Variants in TRIM33 observed in about 807,000 individuals in gnomAD.
The protein encoded by TRIM33 is E3 ubiquitin-protein ligase TRIM33.
TRIM33 carries 20 observed loss-of-function variants against 125.4 expected under a neutral mutation model. The observed-to-expected ratio is 0.16, with a 90% CI of 0.11 to 0.23. The LOEUF (loss-of-function observed/expected upper bound fraction) is 0.23, where lower values mean the gene tolerates loss of function less well. Ranked by LOEUF, TRIM33 falls within the 10% of genes least tolerant of loss-of-function variation. The pLI is 1.00. For synonymous variants in TRIM33, 564 were observed against 513.9 expected (o/e 1.10, Z -1.32); for missense variants, 920 against 1,411.4 (o/e 0.65, Z 5.58).
At chr1:114,498,404 T>C (rs1488964017) in intron 1 of TRIM33, among the ~76,000 whole-genome samples, 2 of 152,154 alleles carry the variant, frequency 1.3e-5, no homozygotes, top group Admixed American at 1.3e-4. Context: ...TCCCAGCACT[T>C]TGGGAGGCCA....
chr1:114,475,733 C>T (rs1462960494), intron 1 of TRIM33, among the ~76,000 whole-genome samples: 3 of 151,778 alleles, frequency 2.0e-5, no homozygotes, highest in African/African-American at 4.8e-5. Context: ...CTTAGTATGA[C>T]CAAGAAAAAA....
At position 114,500,645 on chromosome 1, in the gene TRIM33, G is replaced by A. The variant is rs998137084; in HGVS notation, c.526+9906C>T. Among the ~76,000 whole-genome samples, 8 of 149,538 alleles carry A rather than the reference G, an allele frequency of 5.3e-5. No homozygotes were observed. In the South Asian group the frequency reaches 8.4e-4, roughly 16 times the overall value. The stretch of plus-strand genomic sequence containing the variant: ...AAGGAGCAAAAGGTCAAGATCAGTC[G>A]AGATAATCTTGAAGATGACCAAGGT... On this transcript the variant is annotated intron_variant, in intron 1 of 19. Transcript: ENST00000358465.
chr1:114,398,090 A>G, intron 18 of TRIM33, 100 bp from the exon 19 acceptor site: 1 of 1,216,066 alleles, frequency 8.2e-7, no homozygotes, highest in Non-Finnish European at 1.2e-6. Context: ...CAGCCATACT[A>G]GGGAGAACAA....
intron 1 of TRIM33, among the ~76,000 whole-genome samples, chr1:114,509,412 A>G (rs1396322759): frequency 2.0e-5 from 3 of 152,246 alleles, no homozygotes; most frequent in Non-Finnish European, 4.4e-5. Flanking sequence ...AGAAACATTA[A>G]CGTGTTTGAT....
chr1:114,473,240 G>C (rs1253734319), intron 1 of TRIM33, among the ~76,000 whole-genome samples: 1 of 147,926 alleles, frequency 6.8e-6, no homozygotes, highest in Non-Finnish European at 1.5e-5. Context: ...CTGGGTGCCA[G>C]AGCGAGACTC....
chr1:114,480,659 C>A (rs1010897918), intron 1 of TRIM33, among the ~76,000 whole-genome samples: 2 of 151,806 alleles, frequency 1.3e-5, no homozygotes, highest in Non-Finnish European at 2.9e-5. Flanking sequence ...AAAAATGACA[C>A]ACGGAAAACA....
At chr1:114,419,240 GAAAA>G (rs1653127944) in intron 11 of TRIM33, among the ~76,000 whole-genome samples, 2 of 142,898 alleles carry the variant, frequency 1.4e-5, no homozygotes, top group South Asian at 2.3e-4. Context: ...GAATGAAAAA[GAAAA>G]AGAAAAAGAA....
At chr1:114,461,390 T>C (rs1165378692) in intron 4 of TRIM33, among the ~76,000 whole-genome samples, 1 of 150,318 alleles carries the variant, frequency 6.7e-6, no homozygotes, top group Non-Finnish European at 1.5e-5. Context: ...TTTGCAGGAC[T>C]GAGCCCTTAA....
chr1:114,421,639 A>G lies in TRIM33; in HGVS notation c.1861-3T>C, dbSNP rs1283144957. ...CCAGCATGCCCTGGGTTTGAGTGCT[A>G]ATAAGAAAGAAGACATTATCATTAC... is the stretch of plus-strand genomic sequence containing the variant. On this transcript the variant is annotated splice_region_variant and splice_polypyrimidine_tract_variant and intron_variant, in intron 10 of 19. Coordinates refer to ENST00000358465, the MANE Select transcript of TRIM33 (RefSeq NM_015906.4). 1 of 1,613,848 alleles carries G rather than the reference A, an allele frequency of 6.2e-7. No individual in the cohort carries two copies. Among genetic ancestry groups the G allele is most frequent in the African/African-American group, 1.3e-5 (1 of 75,030 alleles).
chr1:114,415,954 A>AAG (rs1378643354), intron 11 of TRIM33, among the ~76,000 whole-genome samples: 1 of 151,400 alleles, frequency 6.6e-6, no homozygotes, highest in African/African-American at 2.4e-5. Flanking sequence ...TCTAAAAAAA[A>AAG]AAAAAAAAAA....
At chr1:114,428,500 TA>T (rs1210812285) in intron 6 of TRIM33, among the ~76,000 whole-genome samples, 1 of 152,196 alleles carries the variant, frequency 6.6e-6, no homozygotes, top group East Asian at 1.9e-4. Flanking sequence ...TTATGGGAAC[TA>T]AAATCACCCC....
intron 4 of TRIM33, among the ~76,000 whole-genome samples, chr1:114,448,783 T>C (rs1649144653): frequency 1.3e-5 from 2 of 152,286 alleles, no homozygotes; most frequent in South Asian, 4.1e-4. Flanking sequence ...AGAAGTTTCG[T>C]ACTAAGCAGA....
chr1:114,436,048 G>C (rs1366860556), intron 4 of TRIM33, among the ~76,000 whole-genome samples: 1 of 151,462 alleles, frequency 6.6e-6, no homozygotes, highest in African/African-American at 2.4e-5. Context: ...CATTTTTAAG[G>C]AGAACATTTT....
intron 4 of TRIM33, among the ~76,000 whole-genome samples, chr1:114,457,871 T>C (rs570886081): frequency 1.3e-5 from 2 of 152,352 alleles, no homozygotes; most frequent in African/African-American, 4.8e-5. Context: ...AACTCTGCAG[T>C]TGGTGTCAGA....
chr1:114,477,288 T>C (rs1332245419), intron 1 of TRIM33, among the ~76,000 whole-genome samples: 3 of 149,202 alleles, frequency 2.0e-5, no homozygotes, highest in East Asian at 2.0e-4. Context: ...ACAACCTAAA[T>C]ATGAAAGAAT....
rs1358261198 is a variant in TRIM33, at chr1:114,433,336, A to G, written c.1040+281T>C. On this transcript the variant is annotated intron_variant, in intron 5 of 19. Transcript: ENST00000358465. Reference sequence around the variant, plus strand: ...CACAATCTCCACTTTAAATTTTATAAGTCAACTCTCTCCATATTAATTTAT... The same window carrying G: ...CACAATCTCCACTTTAAATTTTATAGGTCAACTCTCTCCATATTAATTTAT... Among the ~76,000 whole-genome samples, 5 of 152,198 alleles carry G rather than the reference A, an allele frequency of 3.3e-5. No homozygotes were observed. The East Asian group carries it at 7.7e-4, about 23-fold the overall frequency.
chr1:114,433,538 T>C (rs972848513), intron 5 of TRIM33, 79 bp downstream of exon 5: 13 of 821,730 alleles, frequency 1.6e-5, no homozygotes, highest in South Asian at 3.5e-5. Flanking sequence ...ATGCTTAATA[T>C]AGCAGAAAAA....
intron 15 of TRIM33, chr1:114,404,179 G>A (rs142996854): frequency 1.2e-4 from 18 of 152,244 alleles, no homozygotes; most frequent in Middle Eastern, 3.4e-3. Context: ...CTGTCACCCA[G>A]GCTAGAGTGC....
intron 1 of TRIM33, among the ~76,000 whole-genome samples, chr1:114,488,103 C>A (rs1386541270): frequency 6.6e-6 from 1 of 151,922 alleles, no homozygotes; most frequent in Non-Finnish European, 1.5e-5. Flanking sequence ...ATACTTCACT[C>A]CAAATGGTAA....
Sources: allele counts gnomAD v4.1 joint callset (sites outside exome capture counted in the v4.1 genomes callset), GRCh38; gene constraint gnomAD v4.1.1; transcripts MANE v1.5; gene names NCBI Gene and HGNC (gene_info 2026-07-23, HGNC 2026-07-21).